Variants in PEX14 observed in about 807,000 individuals in gnomAD.
PEX14 encodes peroxisomal biogenesis factor 14, also known as peroxisomal membrane protein PEX14.
Under a neutral mutation model 49.5 loss-of-function variants are expected in PEX14, and 15 were observed. That is an observed-to-expected ratio of 0.30 (90% CI 0.20 to 0.47). The LOEUF is 0.47. PEX14 is among the 20% of genes least tolerant of loss of function. The probability of loss-of-function intolerance (pLI) is 1.00; values close to 1 mark genes in which losing one functional copy is unlikely to be tolerated. For synonymous variants in PEX14, 210 were observed against 212.7 expected (o/e 0.99, Z 0.11); for missense variants, 398 against 494.8 (o/e 0.80, Z 1.86).
At chr1:10,614,645 T>C (rs139152303) in intron 4 of PEX14, among the ~76,000 whole-genome samples, 112 of 152,274 alleles carry the variant, frequency 7.4e-4, no homozygotes, top group African/African-American at 2.6e-3. Flanking sequence ...TTCAGCCAAG[T>C]CACAGCTGCT....
At position 10,575,891 on chromosome 1, in the gene PEX14, G is replaced by T. The variant is rs915143614; in HGVS notation, c.170-23347G>T. ...GGGCATAGTAGATCCTTCACCAGGG[G>T]ATGAGAGTACCTGTCTCAATATGCT... is the stretch of plus-strand genomic sequence containing the variant. On this transcript the variant is annotated intron_variant, in intron 3 of 8. Coordinates refer to ENST00000356607, the MANE Select transcript of PEX14 (RefSeq NM_004565.3). Among the ~76,000 whole-genome samples, 54 of 152,178 alleles carry T rather than the reference G, an allele frequency of 3.5e-4. 1 individual carries two copies. Among genetic ancestry groups the T allele is most frequent in the Non-Finnish European group, 2.9e-5 (2 of 68,026 alleles).
chr1:10,546,050 A>G (rs1220219347), intron 3 of PEX14, among the ~76,000 whole-genome samples: 4 of 150,822 alleles, frequency 2.7e-5, no homozygotes, highest in Non-Finnish European at 1.5e-5. Context: ...GTCTCAAAAA[A>G]AAAGATTGAG....
chr1:10,540,965 T>C (rs1053522880), intron 3 of PEX14, among the ~76,000 whole-genome samples: 11 of 152,290 alleles, frequency 7.2e-5, no homozygotes, highest in Non-Finnish European at 1.6e-4. Context: ...AGCCAGTATA[T>C]CCTGGACATT....
At position 10,618,280 on chromosome 1, in the gene PEX14, G is replaced by A. The variant is rs368165737; in HGVS notation, c.299-52G>A. ...GAGGCACCTGTGCCAGCCCCCACCC[G>A]AAGAAGGACGCCATGTGCGTCTTCT... On this transcript the variant is annotated intron_variant, in intron 4 of 8. Coordinates refer to ENST00000356607, the MANE Select transcript of PEX14 (RefSeq NM_004565.3). 1.6e-4 allele frequency: 237 copies of A among 1,472,362 alleles called. No individual in the cohort carries two copies. In the African/African-American group the frequency reaches 2.9e-3, roughly 18 times the overall value. 91.2% of individuals were successfully genotyped at this position (1,472,362 alleles called of 1,614,324 possible). A position where few individuals can be genotyped will look rare whatever the true frequency, so the allele number is the denominator to read the frequency against.
intron 1 of PEX14, among the ~76,000 whole-genome samples, chr1:10,479,704 G>A (rs1317258688): frequency 6.6e-6 from 1 of 152,238 alleles, no homozygotes; most frequent in Non-Finnish European, 1.5e-5. Flanking sequence ...AGGGAGAAGA[G>A]CAGAGTGAAA....
At position 10,512,706 on chromosome 1, in the gene PEX14, CTT is replaced by C. The variant is rs1048864327; in HGVS notation, c.84+17388_84+17389del. 1.3e-4 allele frequency among the ~76,000 whole-genome samples: 20 copies of C among 149,326 alleles called. No homozygotes were observed. The highest frequency in any genetic ancestry group is 4.4e-4 in the African/African-American group (18 of 40,516). Reference sequence around the variant, plus strand: ...TTCTTTTCCTTCTTTTTTTTTTTAACTTTTATTTTTTATGATGGAGTCTTGCT... The same window carrying C: ...TTCTTTTCCTTCTTTTTTTTTTTAACTTATTTTTTATGATGGAGTCTTGCT... On this transcript the variant is annotated intron_variant, in intron 2 of 8. Transcript: ENST00000356607. This position sits in a 1 kb window ranked among gnomAD's most constrained non-coding sequence, Gnocchi z 4.6.
At position 10,613,884 on chromosome 1, in the gene PEX14, A is replaced by C. The variant is rs1641339995; in HGVS notation, c.299-4448A>C. On this transcript the variant is annotated intron_variant, in intron 4 of 8. Coordinates refer to ENST00000356607, the MANE Select transcript of PEX14 (RefSeq NM_004565.3). The surrounding 1 kb of genome is among the most constrained non-coding windows in gnomAD (Gnocchi z 5.0). ...TGCTTCCAGAGTGGAGACTCGAAGCATTTAAAAAGCCCACTCATTCTCTTC... is the reference window on the plus strand; with the variant it reads ...TGCTTCCAGAGTGGAGACTCGAAGCCTTTAAAAAGCCCACTCATTCTCTTC... Among the ~76,000 whole-genome samples the C allele has an allele frequency of 6.6e-6, 1 of 152,202 alleles. No homozygotes were observed. Among genetic ancestry groups the C allele is most frequent in the African/African-American group, 2.4e-5 (1 of 41,444 alleles).
At chr1:10,614,789 C>T (rs1641366408) in intron 4 of PEX14, among the ~76,000 whole-genome samples, 1 of 152,180 alleles carries the variant, frequency 6.6e-6, no homozygotes, top group Non-Finnish European at 1.5e-5. Flanking sequence ...GGATGAAGGC[C>T]CTCCTGAGCA....
chr1:10,593,584 TC>T (rs1256255861), intron 3 of PEX14, among the ~76,000 whole-genome samples: 2 of 152,084 alleles, frequency 1.3e-5, no homozygotes, highest in African/African-American at 4.8e-5. Flanking sequence ...GAACTAGTTT[TC>T]TCAGAAACTG....
chr1:10,587,165 A>ATTATAATGAGGC (rs1640517634), intron 3 of PEX14, among the ~76,000 whole-genome samples: 1 of 151,896 alleles, frequency 6.6e-6, no homozygotes, highest in Admixed American at 6.6e-5. Context: ...TTTCCTTAAA[A>ATTATAATGAGGC]TTATAATGAG....
Position 10,630,245 on chromosome 1 carries a change from G to C in PEX14, c.*258G>C. ...GCCTTTGGCTTTGATCTCAAGTCAG[G>C]CTGAAGGCAGCGAAGCCTCGGGGCC... is the stretch of plus-strand genomic sequence containing the variant. On this transcript the variant is annotated 3_prime_UTR_variant, in exon 9 of 9. Coordinates refer to ENST00000356607, the MANE Select transcript of PEX14 (RefSeq NM_004565.3). This position sits in a 1 kb window ranked among gnomAD's most constrained non-coding sequence, Gnocchi z 4.1. 3.4e-6 allele frequency: 2 copies of C among 596,460 alleles called. No homozygotes were observed. Among genetic ancestry groups the C allele is most frequent in the South Asian group, 4.2e-5 (2 of 47,110 alleles). 36.9% of individuals were successfully genotyped at this position (596,460 alleles called of 1,614,324 possible).
At chr1:10,563,880 A>C (rs541289789) in intron 3 of PEX14, among the ~76,000 whole-genome samples, 3 of 152,076 alleles carry the variant, frequency 2.0e-5, no homozygotes, top group East Asian at 3.9e-4. Flanking sequence ...CCACTGCACT[A>C]CAGCCTGGCG....
intron 4 of PEX14, among the ~76,000 whole-genome samples, chr1:10,616,147 C>T (rs1347662995): frequency 2.0e-5 from 3 of 152,068 alleles, no homozygotes; most frequent in Non-Finnish European, 4.4e-5. Context: ...CCAGCCCTGT[C>T]GTCTCTGCCC....
intron 1 of PEX14, among the ~76,000 whole-genome samples, chr1:10,477,132 G>A (rs1047797104): frequency 1.4e-4 from 21 of 151,258 alleles, no homozygotes; most frequent in Non-Finnish European, 2.5e-4. Flanking sequence ...GTGCAGTGGC[G>A]CGATCTCTGC....
rs576407881 is a variant in PEX14, at chr1:10,491,523, C to T, written c.37-3751C>T. Among the ~76,000 whole-genome samples the T allele has an allele frequency of 2.4e-3, 367 of 150,700 alleles. 4 individuals are homozygous for T. The highest frequency in any genetic ancestry group is 8.6e-3 in the African/African-American group (351 of 41,008). On this transcript the variant is annotated intron_variant, in intron 1 of 8. Coordinates refer to ENST00000356607, the MANE Select transcript of PEX14 (RefSeq NM_004565.3). ...GCTGGGACTATAGGATGCACCACCA[C>T]ACCCGGCTAATTTTTAAATTTTTTG...
In PEX14 at chr1:10,542,328, A is replaced by T. The variant is rs1267393364; in HGVS notation, c.169+6031A>T. 5.9e-5 allele frequency among the ~76,000 whole-genome samples: 9 copies of T among 152,342 alleles called. No individual in the cohort carries two copies. The South Asian group carries it at 1.9e-3, about 32-fold the overall frequency. ...ACAGAAACACGAATGCTTTCTAAAT[A>T]CAGTGGTAGCATATTTTACACTTTA... On this transcript the variant is annotated intron_variant, in intron 3 of 8. Transcript: ENST00000356607.
rs1483047894 is a variant in PEX14, at chr1:10,514,438, C to G, written c.84+19117C>G. Reference sequence around the variant, plus strand: ...TGTGTAACAATATACAGTGTTTGTTCAATGTCCTGGCAGGAAATTGGTCTA... The same window carrying G: ...TGTGTAACAATATACAGTGTTTGTTGAATGTCCTGGCAGGAAATTGGTCTA... On this transcript the variant is annotated intron_variant, in intron 2 of 8. Transcript: ENST00000356607. The surrounding 1 kb of genome is among the most constrained non-coding windows in gnomAD (Gnocchi z 4.4). Among the ~76,000 whole-genome samples the G allele has an allele frequency of 2.0e-5, 3 of 152,156 alleles. No homozygotes were observed. The highest frequency in any genetic ancestry group is 7.2e-5 in the African/African-American group (3 of 41,428).
rs1421603166 is a variant in PEX14, at chr1:10,628,299, T to C, written c.677+936T>C. On this transcript the variant is annotated intron_variant, in intron 8 of 8. Coordinates refer to ENST00000356607, the MANE Select transcript of PEX14 (RefSeq NM_004565.3). The surrounding 1 kb of genome is among the most constrained non-coding windows in gnomAD (Gnocchi z 4.5). ...CACTCTGTCCTGGGAGCCGCAACTG[T>C]GGGCCATCCTCCTGGGCTGATGCCC... Among the ~76,000 whole-genome samples, 2 of 152,258 alleles carry C rather than the reference T, an allele frequency of 1.3e-5. No homozygotes were observed. Among genetic ancestry groups the C allele is most frequent in the Non-Finnish European group, 2.9e-5 (2 of 68,042 alleles).
intron 3 of PEX14, among the ~76,000 whole-genome samples, chr1:10,559,179 A>C (rs1217572445): frequency 6.6e-6 from 1 of 152,172 alleles, no homozygotes; most frequent in East Asian, 1.9e-4. Flanking sequence ...AGCTTTAATT[A>C]AATATGAGTG....
Sources: allele counts gnomAD v4.1 joint callset (sites outside exome capture counted in the v4.1 genomes callset), GRCh38; gene constraint gnomAD v4.1.1; non-coding constraint Gnocchi (gnomAD v3.1); transcripts MANE v1.5; gene names NCBI Gene and HGNC (gene_info 2026-07-23, HGNC 2026-07-21).